Variants in USP22 observed in about 807,000 individuals in gnomAD.
USP22 encodes the protein ubiquitin carboxyl-terminal hydrolase 22.
Under a neutral mutation model 68.1 loss-of-function variants are expected in USP22, and 22 were observed. That is an observed-to-expected ratio of 0.32 (90% CI 0.23 to 0.46). The LOEUF (loss-of-function observed/expected upper bound fraction) is 0.46. Ranked by LOEUF, USP22 falls within the 20% of genes least tolerant of loss-of-function variation. USP22 has a pLI of 1.00. For missense variants in USP22, 433 were observed against 695.8 expected (o/e 0.62, Z 4.25); for synonymous variants, 279 against 274.2 (o/e 1.02, Z -0.17).
chr17:21,042,439 G>A (rs556270826), intron 1 of USP22, among the ~76,000 whole-genome samples: 1 of 140,996 alleles, frequency 7.1e-6, no homozygotes, highest in African/African-American at 3.0e-5. Context: ...GGGGGGAGAG[G>A]GGAAGGATAG....
rs1391733398 is a variant in USP22, at chr17:21,000,654, C to T, written c.*2377G>A. On this transcript the variant is annotated 3_prime_UTR_variant, in exon 13 of 13. Coordinates refer to ENST00000261497, the MANE Select transcript of USP22 (RefSeq NM_015276.2). ...GCCTTCTGCACTCCGCAAGACACCCCAGTAAACTGGGGCGTCCCAAGGTGG... is the reference window on the plus strand; with the variant it reads ...GCCTTCTGCACTCCGCAAGACACCCTAGTAAACTGGGGCGTCCCAAGGTGG... 1 of 145,008 alleles carries T rather than the reference C, an allele frequency of 6.9e-6. No homozygotes were observed. The highest frequency in any genetic ancestry group is 1.6e-5 in the Non-Finnish European group (1 of 63,990). 9.0% of individuals were successfully genotyped at this position (145,008 alleles called of 1,614,324 possible). A position where few individuals can be genotyped will look rare whatever the true frequency, so the allele number is the denominator to read the frequency against.
chr17:21,020,411 G>A (rs1481177055), intron 3 of USP22, among the ~76,000 whole-genome samples: 2 of 152,162 alleles, frequency 1.3e-5, no homozygotes, highest in African/African-American at 2.4e-5. Context: ...ACACTGGTGC[G>A]AGAGCCGTGA....
chr17:21,024,102 C>T (rs115934969), intron 2 of USP22, among the ~76,000 whole-genome samples: 204 of 152,296 alleles, frequency 1.3e-3, no homozygotes, highest in African/African-American at 4.7e-3. Context: ...ATGCCAACAA[C>T]GATGTTAAAA....
chr17:21,029,793 G>A (rs375977158), intron 1 of USP22, among the ~76,000 whole-genome samples: 1 of 152,316 alleles, frequency 6.6e-6, no homozygotes, highest in East Asian at 1.9e-4. Context: ...GAAACAAAGG[G>A]TCACGTATTC....
At chr17:21,034,808 C>T (rs902913932) in intron 1 of USP22, among the ~76,000 whole-genome samples, 4 of 152,058 alleles carry the variant, frequency 2.6e-5, no homozygotes, top group South Asian at 2.1e-4. Flanking sequence ...GCTTCTTTTA[C>T]GTGAAAAGGT....
rs111624623 is a variant in USP22, at chr17:21,038,115, T to G, written c.171+4550A>C. 4.2e-4 allele frequency among the ~76,000 whole-genome samples: 64 copies of G among 152,364 alleles called. 1 individual carries two copies. The highest frequency in any genetic ancestry group is 1.4e-3 in the African/African-American group (60 of 41,596). ...TAAATTCCTCAAAGAAACAAAGTTTTAAAGTATACTTTTAAAATAGCACAT... is the reference window on the plus strand; with the variant it reads ...TAAATTCCTCAAAGAAACAAAGTTTGAAAGTATACTTTTAAAATAGCACAT... On this transcript the variant is annotated intron_variant, in intron 1 of 12. Coordinates refer to ENST00000261497, the MANE Select transcript of USP22 (RefSeq NM_015276.2).
intron 2 of USP22, 44 bp downstream of exon 2, chr17:21,028,498 T>G (rs779208896): frequency 3.7e-6 from 6 of 1,600,918 alleles, no homozygotes; most frequent in Non-Finnish European, 5.1e-6. Context: ...AGAGTAGCAA[T>G]TTGGGGGCCA....
At chr17:21,013,854 C>T (rs896001104) in intron 6 of USP22, among the ~76,000 whole-genome samples, 18 of 152,230 alleles carry the variant, frequency 1.2e-4, no homozygotes, top group African/African-American at 1.4e-4. Flanking sequence ...GCGGGCGGAT[C>T]ACGAGGTTAG....
chr17:21,043,303 C>CCCCCCCCCCCCCCCCCCCCCCCCG (rs1567596626), upstream of USP22: 2 of 53,672 alleles, frequency 3.7e-5, no homozygotes, highest in Non-Finnish European at 1.0e-4. Context: ...TAGGCCACCC[C>CCCCCCCCCCCCCCCCCCCCCCCCG]CCCCCCCCCC....
At position 21,037,637 on chromosome 17, in the gene USP22, C is replaced by T. The variant is rs145957072; in HGVS notation, c.171+5028G>A. Among the ~76,000 whole-genome samples, 128 of 152,342 alleles carry T rather than the reference C, an allele frequency of 8.4e-4. 1 individual carries two copies. In the Middle Eastern group the frequency reaches 0.02, roughly 24 times the overall value. ...AACAGGACAGCCTGAGAAACTGTCACTGTCTAGAAGAGCCCAAGAGGACGT... is the reference window on the plus strand; with the variant it reads ...AACAGGACAGCCTGAGAAACTGTCATTGTCTAGAAGAGCCCAAGAGGACGT... On this transcript the variant is annotated intron_variant, in intron 1 of 12. Transcript: ENST00000261497.
At chr17:21,013,579 G>A (rs1021858582) in intron 6 of USP22, among the ~76,000 whole-genome samples, 3 of 152,246 alleles carry the variant, frequency 2.0e-5, no homozygotes, top group African/African-American at 7.2e-5. Context: ...TCACTAGACA[G>A]TGGGGACAGG....
At chr17:21,005,470 G>A (rs1426911789) in intron 10 of USP22, among the ~76,000 whole-genome samples, 1 of 152,196 alleles carries the variant, frequency 6.6e-6, no homozygotes, top group Non-Finnish European at 1.5e-5. Context: ...GGAGTGCTGG[G>A]AACAGGAAGC....
intron 1 of USP22, among the ~76,000 whole-genome samples, chr17:21,030,281 T>C (rs1178526607): frequency 1.3e-5 from 2 of 152,228 alleles, no homozygotes; most frequent in Non-Finnish European, 2.9e-5. Flanking sequence ...TCTGTACATG[T>C]TCAGTACTGA....
At chr17:21,033,873 C>T (rs939740417) in intron 1 of USP22, among the ~76,000 whole-genome samples, 4 of 151,820 alleles carry the variant, frequency 2.6e-5, no homozygotes, top group South Asian at 2.1e-4. Flanking sequence ...CTCAGCCTCC[C>T]GAGTATCTGG....
Position 21,011,260 on chromosome 17 carries a change from G to A in USP22, c.994C>T (p.Pro332Ser). The A allele has an allele frequency of 6.3e-7, 1 of 1,589,208 alleles. No individual in the cohort carries two copies. The highest frequency in any genetic ancestry group is 8.6e-7 in the Non-Finnish European group (1 of 1,167,410). ...DPFWDISLDL[P>S]GSSTPFWPLS... is the part of the protein sequence containing the mutation. ...GGCCAGAATGGGGTGGAAGAGCCGGGGAGATCCAAGCTGATGTCCCAGAAG... is the reference window on the plus strand; with the variant it reads ...GGCCAGAATGGGGTGGAAGAGCCGGAGAGATCCAAGCTGATGTCCCAGAAG... The change falls in exon 8 of 13, where the codon CCC (proline) becomes TCC (serine). Residue 332 changes from proline to serine, a missense_variant. This residue lies in a region of USP22 where 178 missense variants were observed against 351.5 expected (regional missense o/e 0.51). Coordinates refer to ENST00000261497, the MANE Select transcript of USP22 (RefSeq NM_015276.2).
At chr17:21,006,784 G>T (rs1913795648) in intron 10 of USP22, 112 bp downstream of exon 10, 1 of 804,032 alleles carries the variant, frequency 1.2e-6, no homozygotes, top group Non-Finnish European at 1.9e-6. Flanking sequence ...ATTACAGGCG[G>T]GAGCCACTGC....
Position 21,004,283 on chromosome 17 carries a change from C to T in USP22, c.1454G>A (p.Arg485Gln). Residue 485 changes from arginine to glutamine, a missense_variant, in exon 12 of 13, where the codon CGG becomes CAG. By Grantham distance (43) the Arg-to-Gln change is conservative (BLOSUM62 1). Transcript: ENST00000261497. Reference sequence around the variant, plus strand: ...CTTGAACCACTGGTCTTTGTGCTGCCGGATAAAGCTGGTGTAGTGGCCACT... The same window carrying T: ...CTTGAACCACTGGTCTTTGTGCTGCTGGATAAAGCTGGTGTAGTGGCCACT... ...LESGHYTSFI[R>Q]QHKDQWFKCD... 1.9e-6 allele frequency: 3 copies of T among 1,614,128 alleles called. No individual in the cohort carries two copies. The highest frequency in any genetic ancestry group is 2.5e-6 in the Non-Finnish European group (3 of 1,180,024).
Position 21,019,146 on chromosome 17 carries a change from C to T in USP22, c.458G>A (p.Arg153Gln), listed in dbSNP as rs1359917456. ...GTTGTGCTTCAGCAGTTCAAGCTCC[C>T]GTTTGGTTGGTTCCCAAGTTGAAAA... ...EKFSTWEPTK[R>Q]ELELLKHNPK... is the part of the protein sequence containing the mutation. The change falls in exon 4 of 13, where the codon CGG (arginine) becomes CAG (glutamine). Residue 153 changes from arginine (R) to glutamine (Q), a missense_variant. By Grantham distance (43) the Arg-to-Gln change is conservative. Around this residue, in one of 4 missense-constraint regions of USP22, gnomAD observed 144 missense variants for 237.2 expected, o/e 0.61. Transcript: ENST00000261497. 5 of 1,614,180 alleles carry T rather than the reference C, an allele frequency of 3.1e-6. No homozygotes were observed. The highest frequency in any genetic ancestry group is 1.1e-5 in the South Asian group (1 of 91,074).
chr17:21,042,643 CGCGGTGGGCTGCCGG>C lies in USP22; in HGVS notation c.171+7_171+21del, dbSNP rs776305706. ...GCGGCAGAAGGCCCCGAGCCCGCCG[CGCGGTGGGCTGCCGG>C]GCGCACCTTGCGCTTGCGGGCCTCA... On this transcript the variant is annotated splice_region_variant and intron_variant, in intron 1 of 12. Coordinates refer to ENST00000261497, the MANE Select transcript of USP22 (RefSeq NM_015276.2). 2 of 1,260,468 alleles carry C rather than the reference CGCGGTGGGCTGCCGG, an allele frequency of 1.6e-6. No homozygotes were observed. The highest frequency in any genetic ancestry group is 8.3e-5 in the Admixed American group (2 of 24,134). 78.1% of individuals were successfully genotyped at this position (1,260,468 alleles called of 1,614,324 possible).
Sources: gnomAD v4.1 joint callset for allele counts (sites outside exome capture counted in the v4.1 genomes callset) on GRCh38, gnomAD v4.1.1 for gene constraint, gnomAD v4.1.1 regional missense constraint, MANE v1.5 for transcripts, NCBI Gene and HGNC (gene_info 2026-07-23, HGNC 2026-07-21) for gene names.